ZNF35: variants seen among roughly 807,000 people sequenced by gnomAD.
ZNF35 encodes the protein zinc finger protein 35, also known as zinc finger protein 35 (clone HF.10).
Under a neutral mutation model 45.9 loss-of-function variants are expected in ZNF35, and 31 were observed. That is an observed-to-expected ratio of 0.68 (90% confidence interval 0.51 to 0.91). The LOEUF (loss-of-function observed/expected upper bound fraction) is 0.91. Ranked by LOEUF, ZNF35 falls within the 40% of genes least tolerant of loss-of-function variation. The pLI is 0.00. For synonymous variants in ZNF35, 205 were observed against 220.2 expected, an observed-to-expected ratio of 0.93 and a Z score of 0.61; for missense variants, 515 against 625.4, an observed-to-expected ratio of 0.82 and a Z score of 1.88.
intron 3 of ZNF35, among the ~76,000 whole-genome samples, chr3:44,658,496 T>C (rs1016506650): frequency 7.9e-5 from 12 of 152,196 alleles, no homozygotes; most frequent in Non-Finnish European, 1.5e-4. Context: ...CACGAGTCAG[T>C]GGGTTCTGCC....
upstream of ZNF35, chr3:44,647,357 T>C (rs1703014935): frequency 6.6e-6 from 1 of 152,036 alleles, no homozygotes; most frequent in Non-Finnish European, 1.5e-5. Flanking sequence ...TTGCTGGGAA[T>C]GTAAAATGGT....
At chr3:44,651,474 CAG>C (rs1575513713) in intron 2 of ZNF35, among the ~76,000 whole-genome samples, 2 of 152,136 alleles carry the variant, frequency 1.3e-5, no homozygotes, top group East Asian at 3.9e-4. Context: ...TTTTGCTACA[CAG>C]AACCTGGAGA....
intron 3 of ZNF35, 43 bp downstream of exon 3, chr3:44,652,744 T>C: frequency 6.7e-7 from 1 of 1,484,878 alleles, no homozygotes; most frequent in Non-Finnish European, 9.0e-7. Context: ...CATTGGGGTT[T>C]CTCAAAATCT....
chr3:44,657,901 C>G (rs527649889), intron 3 of ZNF35, among the ~76,000 whole-genome samples: 9 of 152,308 alleles, frequency 5.9e-5, no homozygotes, highest in Non-Finnish European at 1.0e-4. Context: ...GTATTCCAGG[C>G]AATATCTGAG....
Position 44,658,794 on chromosome 3 carries a change from A to T in ZNF35, c.431A>T (p.Lys144Ile). The T allele has an allele frequency of 6.2e-7, 1 of 1,611,910 alleles. No homozygotes were observed. The highest frequency in any genetic ancestry group is 8.5e-7 in the Non-Finnish European group (1 of 1,179,546). ...KPLIISERIQKADPQGPELGE... is the reference protein window; with the variant it reads ...KPLIISERIQIADPQGPELGE... Reference sequence around the variant, plus strand: ...CTCATCATATCAGAAAGAATCCAGAAAGCTGATCCTCAAGGACCTGAGTTA... The same window carrying T: ...CTCATCATATCAGAAAGAATCCAGATAGCTGATCCTCAAGGACCTGAGTTA... Residue 144 changes from lysine (K) to isoleucine (I), a missense_variant, in exon 4 of 4, where the codon AAA (lysine) becomes ATA (isoleucine). Physicochemically the swap from Lys to Ile is moderately radical, Grantham distance 102. Around this residue, in one of 3 missense-constraint regions of ZNF35, gnomAD observed 275 missense variants for 295.7 expected, o/e 0.93. Transcript: ENST00000396056.
At chr3:44,656,139 G>A (rs1332799316) in intron 3 of ZNF35, among the ~76,000 whole-genome samples, 1 of 151,974 alleles carries the variant, frequency 6.6e-6, no homozygotes, top group Admixed American at 6.6e-5. Context: ...CAAGCAGTCA[G>A]CAAAAGAAAA....
upstream of ZNF35, chr3:44,647,186 G>A (rs1703000951): frequency 6.6e-6 from 1 of 151,992 alleles, no homozygotes. Context: ...TTTCACTGAA[G>A]TATAGATAGC....
chr3:44,649,277 C>A (rs1224666429), intron 1 of ZNF35, among the ~76,000 whole-genome samples: 3 of 152,108 alleles, frequency 2.0e-5, no homozygotes, highest in Non-Finnish European at 4.4e-5. Context: ...ACCTTCATAC[C>A]AGATTGAATT....
In ZNF35 at chr3:44,651,035, C is replaced by T; in HGVS notation, c.-33C>T. ...GGTTTGACCTCTGCAGGGCAGCGCC[C>T]AGCTATAGGAGTTCCCCTGCTGAGC... On this transcript the variant is annotated 5_prime_UTR_variant, in exon 2 of 4. Coordinates refer to ENST00000396056, the MANE Select transcript of ZNF35 (RefSeq NM_003420.4). 1 of 1,599,694 alleles carries T rather than the reference C, an allele frequency of 6.3e-7. No individual in the cohort carries two copies. The highest frequency in any genetic ancestry group is 8.5e-7 in the Non-Finnish European group (1 of 1,175,138).
At chr3:44,652,533 A>G (rs377255218) in intron 2 of ZNF35, 24 bp from the exon 3 acceptor site, 4 of 1,538,878 alleles carry the variant, frequency 2.6e-6, no homozygotes, top group Admixed American at 4.1e-5. Flanking sequence ...GTTCCCTCTT[A>G]AACATGTGCC....
chr3:44,654,957 A>C (rs1703271028), intron 3 of ZNF35, among the ~76,000 whole-genome samples: 1 of 152,068 alleles, frequency 6.6e-6, no homozygotes, highest in South Asian at 2.1e-4. Flanking sequence ...AACATGGTGA[A>C]ACCCTGTCTC....
Position 44,658,796 on chromosome 3 carries a change from G to A in ZNF35, c.433G>A (p.Ala145Thr). ...CATCATATCAGAAAGAATCCAGAAA[G>A]CTGATCCTCAAGGACCTGAGTTAGG... The part of the protein sequence containing the change: ...PLIISERIQK[A>T]DPQGPELGEA... The change falls in exon 4 of 4, where the codon GCT (alanine) becomes ACT (threonine). Residue 145 changes from alanine to threonine, a missense_variant. By Grantham distance (58) the Ala-to-Thr change is moderately conservative. Transcript: ENST00000396056. 1 of 1,612,172 alleles carries A rather than the reference G, an allele frequency of 6.2e-7. No individual in the cohort carries two copies. The highest frequency in any genetic ancestry group is 1.3e-5 in the African/African-American group (1 of 74,864).
At chr3:44,647,475 T>TG (rs1378989660), upstream of ZNF35, 1 of 152,212 alleles carries the variant, frequency 6.6e-6, no homozygotes, top group Non-Finnish European at 1.5e-5. Flanking sequence ...AATGAAAACT[T>TG]GCGTTCACAC....
intron 2 of ZNF35, 33 bp from the exon 3 acceptor site, chr3:44,652,524 T>G (rs776294459): frequency 2.0e-6 from 3 of 1,506,246 alleles, no homozygotes; most frequent in Non-Finnish European, 2.7e-6. Flanking sequence ...CTACCACCAG[T>G]TCCCTCTTAA....
intron 1 of ZNF35, 33 bp from the exon 2 acceptor site, chr3:44,650,908 C>T: frequency 1.4e-6 from 1 of 697,954 alleles, no homozygotes; most frequent in South Asian, 2.9e-5. Flanking sequence ...GCAAATCTCT[C>T]CTTGGTGCTA....
At chr3:44,655,614 C>T (rs921988525) in intron 3 of ZNF35, among the ~76,000 whole-genome samples, 1 of 151,964 alleles carries the variant, frequency 6.6e-6, no homozygotes, top group African/African-American at 2.4e-5. Context: ...GGTTATACGC[C>T]CGGATTATTT....
chr3:44,647,767 G>A (rs1282813463), upstream of ZNF35: 1 of 152,092 alleles, frequency 6.6e-6, no homozygotes, highest in Non-Finnish European at 1.5e-5. Flanking sequence ...GATGAAAAAT[G>A]GATTAATGGT....
At chr3:44,654,063 C>T (rs1413057271) in intron 3 of ZNF35, among the ~76,000 whole-genome samples, 1 of 152,156 alleles carries the variant, frequency 6.6e-6, no homozygotes, top group African/African-American at 2.4e-5. Context: ...CTTTGTGTTC[C>T]ATTCTCTCTG....
upstream of ZNF35, chr3:44,646,597 A>G: frequency 1.2e-6 from 1 of 868,856 alleles, no homozygotes; most frequent in Non-Finnish European, 2.0e-6. Context: ...GATTCTTCAA[A>G]ATATTATTAT....
Sources: allele counts gnomAD v4.1 joint callset (sites outside exome capture counted in the v4.1 genomes callset), GRCh38; gene constraint gnomAD v4.1.1; regional missense constraint gnomAD v4.1.1; transcripts MANE v1.5; gene names NCBI Gene and HGNC (gene_info 2026-07-23, HGNC 2026-07-21).